The following OR10AD1 variants were observed in gnomAD, a reference collection of about 807,000 sequenced individuals.
The protein encoded by OR10AD1 is olfactory receptor family 10 subfamily AD member 1, also known as olfactory receptor 10AD1.
For synonymous variants in OR10AD1, 115 were observed against 72.2 expected (o/e 1.59, Z -3.00); for missense variants, 309 against 192.7 (o/e 1.60, Z -3.57).
chr12:48,202,366 G>T lies in OR10AD1; in HGVS notation c.927C>A (p.Thr309=). ...AGACAGACTGTGGCTGGGCCAGCCTGGTTCTTCCAAGTGCCCTCACCATGG... is the reference window on the plus strand; with the variant it reads ...AGACAGACTGTGGCTGGGCCAGCCTTGTTCTTCCAAGTGCCCTCACCATGG... ...KEAMVRALGR[T]RLAQPQSV is the part of the protein sequence containing the mutation. Residue 309 remains threonine (T), a synonymous_variant, in exon 1 of 1, where the codon ACC becomes ACA. Coordinates refer to ENST00000310248, the MANE Select transcript of OR10AD1 (RefSeq NM_001004134.1). The T allele has an allele frequency of 1.3e-6, 1 of 775,388 alleles. No individual in the cohort carries two copies. The highest frequency in any genetic ancestry group is 2.4e-6 in the Non-Finnish European group (1 of 415,150). The allele number at this position is 775,388 out of a possible 1,614,324, so 48.0% of individuals were successfully genotyped here.
In OR10AD1 at chr12:48,202,943, G is replaced by T. The variant is rs1951605518; in HGVS notation, c.350C>A (p.Ala117Asp). 1.3e-6 allele frequency: 1 copy of T among 781,040 alleles called. No individual in the cohort carries two copies. The highest frequency in any genetic ancestry group is 1.3e-5 in the South Asian group (1 of 74,610). The allele number at this position is 781,040 out of a possible 1,614,324, so 48.4% of individuals were successfully genotyped here. A position where few individuals can be genotyped will look rare whatever the true frequency, so the allele number is the denominator to read the frequency against. The change falls in exon 1 of 1, where the codon GCT (alanine) becomes GAT (aspartate). Residue 117 changes from alanine (A) to aspartate (D), a missense_variant. Coordinates refer to ENST00000310248, the MANE Select transcript of OR10AD1 (RefSeq NM_001004134.1). ...AACATAACGGTCATAGGCCATGAAAGCCAAGAGGATGCACTCGGCCACACC... is the reference window on the plus strand; with the variant it reads ...AACATAACGGTCATAGGCCATGAAATCCAAGAGGATGCACTCGGCCACACC... ...CVGVAECILL[A>D]FMAYDRYVAI... is the part of the protein sequence containing the mutation.
chr12:48,203,106 A>G lies in OR10AD1; in HGVS notation c.187T>C (p.Phe63Leu), dbSNP rs1211722245. ...TCCAGGAGAGACAGATGGCCGAGGA[A>G]GAAGTACATGGGGCTGTTGAGCTTG... ...DPKLNSPMYF[F>L]LGHLSLLDVC... is the part of the protein sequence containing the mutation. Residue 63 changes from phenylalanine to leucine, a missense_variant, in exon 1 of 1, where the codon TTC becomes CTC. By Grantham distance (22) the Phe-to-Leu change is conservative (BLOSUM62 0). Transcript: ENST00000310248. The G allele has an allele frequency of 1.3e-6, 1 of 780,794 alleles. No individual in the cohort carries two copies. The highest frequency in any genetic ancestry group is 2.4e-6 in the Non-Finnish European group (1 of 418,048). The allele number at this position is 780,794 out of a possible 1,614,324, so 48.4% of individuals were successfully genotyped here. A position where few individuals can be genotyped will look rare whatever the true frequency, so the allele number is the denominator to read the frequency against.
Position 48,203,147 on chromosome 12 carries a change from G to A in OR10AD1, c.146C>T (p.Thr49Ile), listed in dbSNP as rs761663500. Residue 49 changes from threonine (T) to isoleucine (I), a missense_variant, in exon 1 of 1, where the codon ACC (threonine) becomes ATC (isoleucine). Thr to Ile is a moderately conservative substitution (Grantham distance 89). Transcript: ENST00000310248. ...GTTGAGCTTGGGGTCTGTCCAGGAG[G>A]TGATAAAGATGATGAGGCCATTCAT... ...MAMNGLIIFITSWTDPKLNSP... is the reference protein window; with the variant it reads ...MAMNGLIIFIISWTDPKLNSP... 1 of 781,104 alleles carries A rather than the reference G, an allele frequency of 1.3e-6. No individual in the cohort carries two copies. Among genetic ancestry groups the A allele is most frequent in the East Asian group, 2.4e-5 (1 of 41,262 alleles). 48.4% of individuals were successfully genotyped at this position (781,104 alleles called of 1,614,324 possible).
In OR10AD1 at chr12:48,202,872, CCTT is replaced by C; in HGVS notation, c.418_420del (p.Lys140del). 1.3e-6 allele frequency: 1 copy of C among 781,052 alleles called. No individual in the cohort carries two copies. Among genetic ancestry groups the C allele is most frequent in the African/African-American group, 1.7e-5 (1 of 59,248 alleles). 48.4% of individuals were successfully genotyped at this position (781,052 alleles called of 1,614,324 possible). A position where few individuals can be genotyped will look rare whatever the true frequency, so the allele number is the denominator to read the frequency against. On this transcript the variant is annotated inframe_deletion, in exon 1 of 1. Coordinates refer to ENST00000310248, the MANE Select transcript of OR10AD1 (RefSeq NM_001004134.1). ...GCAGTTCCCACAAGCCTGACACAGA[CCTT>C]CTGGCTTATGATCGGGACATAGTTA...
rs1951602142 is a variant in OR10AD1 at position 48,202,703 on chromosome 12, A to C, written c.590T>G (p.Leu197Arg). The change falls in exon 1 of 1, where the codon CTG (leucine) becomes CGG (arginine). Residue 197 changes from leucine (L) to arginine (R), a missense_variant. Coordinates refer to ENST00000310248, the MANE Select transcript of OR10AD1 (RefSeq NM_001004134.1). ...GLSCGDPQFSLWAIFADAIVV... is the reference protein window; with the variant it reads ...GLSCGDPQFSRWAIFADAIVV... ...GATGGCATCGGCAAAGATTGCCCAC[A>C]GACTAAACTGAGGGTCCCCACAAGA... 1 of 781,000 alleles carries C rather than the reference A, an allele frequency of 1.3e-6. No homozygotes were observed. The highest frequency in any genetic ancestry group is 1.7e-5 in the African/African-American group (1 of 59,150). The allele number at this position is 781,000 out of a possible 1,614,324, so 48.4% of individuals were successfully genotyped here.
rs1383995135 is a variant in OR10AD1 at position 48,203,046 on chromosome 12, A to G, written c.247T>C (p.Leu83=). The G allele has an allele frequency of 3.8e-6, 3 of 780,916 alleles. No individual in the cohort carries two copies. The highest frequency in any genetic ancestry group is 4.8e-6 in the Non-Finnish European group (2 of 418,100). The allele number at this position is 780,916 out of a possible 1,614,324, so 48.4% of individuals were successfully genotyped here. A position where few individuals can be genotyped will look rare whatever the true frequency, so the allele number is the denominator to read the frequency against. Residue 83 remains leucine (L), a synonymous_variant, in exon 1 of 1, where the codon TTG becomes CTG. Coordinates refer to ENST00000310248, the MANE Select transcript of OR10AD1 (RefSeq NM_001004134.1). ...TGGTCCCTGACCACGAGGTGGATCA[A>G]CATCTGTGGGATGGTAGTGGTGATG... The part of the protein sequence containing the change: ...CFITTTIPQM[L]IHLVVRDHIV...
rs755514466 is a variant in OR10AD1 at position 48,202,479 on chromosome 12, C to T, written c.814G>A (p.Asp272Asn). The change falls in exon 1 of 1, where the codon GAC (aspartate) becomes AAC (asparagine). Residue 272 changes from aspartate (D) to asparagine (N), a missense_variant. By Grantham distance (23) the Asp-to-Asn change is conservative (BLOSUM62 1). Coordinates refer to ENST00000310248, the MANE Select transcript of OR10AD1 (RefSeq NM_001004134.1). ...GTGTACAGGAGGGAGAAAGGTTTGT[C>T]TTTGTCAGGCCCATGTGTGCTGTGG... is the stretch of plus-strand genomic sequence containing the variant. ...NPHSTHGPDK[D>N]KPFSLLYTII... is the part of the protein sequence containing the mutation. The T allele has an allele frequency of 1.3e-6, 1 of 781,010 alleles. No individual in the cohort carries two copies. The highest frequency in any genetic ancestry group is 1.3e-5 in the South Asian group (1 of 74,610). 48.4% of individuals were successfully genotyped at this position (781,010 alleles called of 1,614,324 possible).
rs771475452 is a variant in OR10AD1, at chr12:48,202,647, CAGTG to C, written c.642_645del (p.Thr215SerfsTer31). 5.1e-6 allele frequency: 4 copies of C among 781,016 alleles called. No individual in the cohort carries two copies. The highest frequency in any genetic ancestry group is 3.4e-5 in the Admixed American group (2 of 59,040). 48.4% of individuals were successfully genotyped at this position (781,016 alleles called of 1,614,324 possible). ...GCCAGGATGTGCACATAGGAAGTGACAGTGAGCACCATGGGGCTGAGAATTACCA... is the reference window on the plus strand; with the variant it reads ...GCCAGGATGTGCACATAGGAAGTGACAGCACCATGGGGCTGAGAATTACCA... On this transcript the variant is annotated frameshift_variant, in exon 1 of 1. Coordinates refer to ENST00000310248, the MANE Select transcript of OR10AD1 (RefSeq NM_001004134.1). LOFTEE classifies it low-confidence loss of function (END_TRUNC).
rs17224674 is a variant in OR10AD1, at chr12:48,202,796, C to T, written c.497G>A (p.Arg166Gln). The change falls in exon 1 of 1, where the codon CGA becomes CAA. Residue 166 changes from arginine to glutamine, a missense_variant. By Grantham distance (43) the Arg-to-Gln change is conservative (BLOSUM62 1). Coordinates refer to ENST00000310248, the MANE Select transcript of OR10AD1 (RefSeq NM_001004134.1). Reference sequence around the variant, plus strand: ...GTGGTTGTCTCTGCGGAAGGGCTCTCGGAATGAAATATACTCGAGAAAGAT... The same window carrying T: ...GTGGTTGTCTCTGCGGAAGGGCTCTTGGAATGAAATATACTCGAGAAAGAT... ...NGIFLEYISF[R>Q]EPFRRDNHIE... The T allele has an allele frequency of 0.063, 49,569 of 780,662 alleles. 2,167 individuals are homozygous for T. The highest frequency in any genetic ancestry group is 0.09 in the Non-Finnish European group (37,571 of 417,932). The allele number at this position is 780,662 out of a possible 1,614,324, so 48.4% of individuals were successfully genotyped here.
At position 48,202,990 on chromosome 12, in the gene OR10AD1, C is replaced by T. The variant is rs753991807; in HGVS notation, c.303G>A (p.Gln101=). 1 of 781,066 alleles carries T rather than the reference C, an allele frequency of 1.3e-6. No homozygotes were observed. The highest frequency in any genetic ancestry group is 1.3e-5 in the South Asian group (1 of 74,600). 48.4% of individuals were successfully genotyped at this position (781,066 alleles called of 1,614,324 possible). A position where few individuals can be genotyped will look rare whatever the true frequency, so the allele number is the denominator to read the frequency against. The change falls in exon 1 of 1, where the codon CAG becomes CAA. Residue 101 remains glutamine, a synonymous_variant. Transcript: ENST00000310248. The part of the protein sequence containing the change: ...HIVSFVCCMT[Q]MYFVFCVGVA... ...CACCAACACAGAAGACAAAGTACATCTGGGTCATGCAACATACAAAGGAGA... is the reference window on the plus strand; with the variant it reads ...CACCAACACAGAAGACAAAGTACATTTGGGTCATGCAACATACAAAGGAGA...
chr12:48,202,348 C>T lies in OR10AD1; in HGVS notation c.945G>A (p.Gln315=), dbSNP rs1451316885. ...TTTCAGGGCCTTCCTGCTAGACAGA[C>T]TGTGGCTGGGCCAGCCTGGTTCTTC... ...ALGRTRLAQP[Q]SV The change falls in exon 1 of 1, where the codon CAG becomes CAA. Residue 315 remains glutamine, a synonymous_variant. Transcript: ENST00000310248. 3 of 765,448 alleles carry T rather than the reference C, an allele frequency of 3.9e-6. No individual in the cohort carries two copies. Among genetic ancestry groups the T allele is most frequent in the South Asian group, 2.8e-5 (2 of 71,676 alleles). 47.4% of individuals were successfully genotyped at this position (765,448 alleles called of 1,614,324 possible).
At position 48,202,947 on chromosome 12, in the gene OR10AD1, A is replaced by C; in HGVS notation, c.346T>G (p.Leu116Val). The C allele has an allele frequency of 1.3e-6, 1 of 781,086 alleles. No individual in the cohort carries two copies. The highest frequency in any genetic ancestry group is 1.3e-5 in the South Asian group (1 of 74,616). The allele number at this position is 781,086 out of a possible 1,614,324, so 48.4% of individuals were successfully genotyped here. A position where few individuals can be genotyped will look rare whatever the true frequency, so the allele number is the denominator to read the frequency against. The change falls in exon 1 of 1, where the codon TTG becomes GTG. Residue 116 changes from leucine (L) to valine (V), a missense_variant. Leu to Val is a conservative substitution (Grantham distance 32). Transcript: ENST00000310248. ...TAACGGTCATAGGCCATGAAAGCCA[A>C]GAGGATGCACTCGGCCACACCAACA... Reference protein sequence around the residue: ...FCVGVAECILLAFMAYDRYVA... With the variant: ...FCVGVAECILVAFMAYDRYVA...
rs17122812 is a variant in OR10AD1 at position 48,203,270 on chromosome 12, A to C, written c.23T>G (p.Val8Gly). 1 of 780,358 alleles carries C rather than the reference A, an allele frequency of 1.3e-6. No homozygotes were observed. The highest frequency in any genetic ancestry group is 2.4e-6 in the Non-Finnish European group (1 of 417,960). 48.3% of individuals were successfully genotyped at this position (780,358 alleles called of 1,614,324 possible). The change falls in exon 1 of 1, where the codon GTG becomes GGG. Residue 8 changes from valine to glycine, a missense_variant. Coordinates refer to ENST00000310248, the MANE Select transcript of OR10AD1 (RefSeq NM_001004134.1). MLRNGSI[V>G]TEFILVGFQQ... ...AAAGCCCACGAGGATAAATTCCGTC[A>C]CTATGCTGCCATTCCTTAGCATCTG...
chr12:48,203,256 G>C lies in OR10AD1; in HGVS notation c.37C>G (p.Leu13Val). ...RNGSIVTEFI[L>V]VGFQQSSTST... Reference sequence around the variant, plus strand: ...GTGGAGCTCTGCTGAAAGCCCACGAGGATAAATTCCGTCACTATGCTGCCA... The same window carrying C: ...GTGGAGCTCTGCTGAAAGCCCACGACGATAAATTCCGTCACTATGCTGCCA... Residue 13 changes from leucine to valine, a missense_variant, in exon 1 of 1, where the codon CTC (leucine) becomes GTC (valine). By Grantham distance (32) the Leu-to-Val change is conservative (BLOSUM62 1). Transcript: ENST00000310248. 1.3e-6 allele frequency: 1 copy of C among 780,918 alleles called. No individual in the cohort carries two copies. Among genetic ancestry groups the C allele is most frequent in the Non-Finnish European group, 2.4e-6 (1 of 418,110 alleles). The allele number at this position is 780,918 out of a possible 1,614,324, so 48.4% of individuals were successfully genotyped here. A position where few individuals can be genotyped will look rare whatever the true frequency, so the allele number is the denominator to read the frequency against.
rs767914626 is a variant in OR10AD1 at position 48,202,363 on chromosome 12, C to T, written c.930G>A (p.Arg310=). Residue 310 remains arginine (R), a synonymous_variant, in exon 1 of 1, where the codon AGG becomes AGA. Coordinates refer to ENST00000310248, the MANE Select transcript of OR10AD1 (RefSeq NM_001004134.1). ...EAMVRALGRT[R]LAQPQSV is the part of the protein sequence containing the mutation. ...GCTAGACAGACTGTGGCTGGGCCAG[C>T]CTGGTTCTTCCAAGTGCCCTCACCA... 1 of 773,658 alleles carries T rather than the reference C, an allele frequency of 1.3e-6. No individual in the cohort carries two copies. The highest frequency in any genetic ancestry group is 2.4e-6 in the Non-Finnish European group (1 of 414,324). The allele number at this position is 773,658 out of a possible 1,614,324, so 47.9% of individuals were successfully genotyped here. A position where few individuals can be genotyped will look rare whatever the true frequency, so the allele number is the denominator to read the frequency against.
Position 48,202,359 on chromosome 12 carries a change from C to T in OR10AD1, c.934G>A (p.Ala312Thr). ...MVRALGRTRLAQPQSV is the reference protein window; with the variant it reads ...MVRALGRTRLTQPQSV ...TCCTGCTAGACAGACTGTGGCTGGGCCAGCCTGGTTCTTCCAAGTGCCCTC... is the reference window on the plus strand; with the variant it reads ...TCCTGCTAGACAGACTGTGGCTGGGTCAGCCTGGTTCTTCCAAGTGCCCTC... Residue 312 changes from alanine (A) to threonine (T), a missense_variant, in exon 1 of 1, where the codon GCC becomes ACC. Ala to Thr is a moderately conservative substitution (Grantham distance 58). Transcript: ENST00000310248. The T allele has an allele frequency of 2.6e-6, 2 of 770,218 alleles. No homozygotes were observed. The highest frequency in any genetic ancestry group is 4.8e-6 in the Non-Finnish European group (2 of 412,760). The allele number at this position is 770,218 out of a possible 1,614,324, so 47.7% of individuals were successfully genotyped here. A position where few individuals can be genotyped will look rare whatever the true frequency, so the allele number is the denominator to read the frequency against.
In OR10AD1 at chr12:48,202,788, AG is replaced by A. The variant is rs1951603393; in HGVS notation, c.504del (p.Phe169SerfsTer7). 1 of 780,808 alleles carries A rather than the reference AG, an allele frequency of 1.3e-6. No individual in the cohort carries two copies. The highest frequency in any genetic ancestry group is 1.7e-5 in the African/African-American group (1 of 59,128). 48.4% of individuals were successfully genotyped at this position (780,808 alleles called of 1,614,324 possible). A position where few individuals can be genotyped will look rare whatever the true frequency, so the allele number is the denominator to read the frequency against. On this transcript the variant is annotated frameshift_variant, in exon 1 of 1. Transcript: ENST00000310248. LOFTEE classifies it low-confidence loss of function (END_TRUNC). ...IFLEYISFRE[P>X]FRRDNHIESF... ...CTTTCTATGTGGTTGTCTCTGCGGA[AG>A]GGCTCTCGGAATGAAATATACTCGA...
In OR10AD1 at chr12:48,203,111, TA is replaced by T. The variant is rs1451563230; in HGVS notation, c.181del (p.Tyr61ThrfsTer23). On this transcript the variant is annotated frameshift_variant, in exon 1 of 1. Transcript: ENST00000310248. LOFTEE classifies it low-confidence loss of function (END_TRUNC). Reference sequence around the variant, plus strand: ...GAGAGACAGATGGCCGAGGAAGAAGTACATGGGGCTGTTGAGCTTGGGGTCT... The same window carrying T: ...GAGAGACAGATGGCCGAGGAAGAAGTCATGGGGCTGTTGAGCTTGGGGTCT... ...WTDPKLNSPM[Y>X]FFLGHLSLLD... 2 of 780,680 alleles carry T rather than the reference TA, an allele frequency of 2.6e-6. No homozygotes were observed. The highest frequency in any genetic ancestry group is 3.4e-5 in the African/African-American group (2 of 59,098). 48.4% of individuals were successfully genotyped at this position (780,680 alleles called of 1,614,324 possible).
At position 48,203,100 on chromosome 12, in the gene OR10AD1, C is replaced by G; in HGVS notation, c.193G>C (p.Gly65Arg). ...KLNSPMYFFL[G>R]HLSLLDVCFI... Reference sequence around the variant, plus strand: ...CAGACATCCAGGAGAGACAGATGGCCGAGGAAGAAGTACATGGGGCTGTTG... The same window carrying G: ...CAGACATCCAGGAGAGACAGATGGCGGAGGAAGAAGTACATGGGGCTGTTG... The change falls in exon 1 of 1, where the codon GGC becomes CGC. Residue 65 changes from glycine to arginine, a missense_variant. Gly to Arg is a moderately radical substitution (Grantham distance 125, BLOSUM62 -2). Transcript: ENST00000310248. 1 of 780,672 alleles carries G rather than the reference C, an allele frequency of 1.3e-6. No homozygotes were observed. Among genetic ancestry groups the G allele is most frequent in the Non-Finnish European group, 2.4e-6 (1 of 417,956 alleles). 48.4% of individuals were successfully genotyped at this position (780,672 alleles called of 1,614,324 possible). A position where few individuals can be genotyped will look rare whatever the true frequency, so the allele number is the denominator to read the frequency against.
Sources: gnomAD v4.1 joint callset for allele counts on GRCh38, gnomAD v4.1.1 for gene constraint, MANE v1.5 for transcripts, NCBI Gene and HGNC (gene_info 2026-07-23, HGNC 2026-07-21) for gene names.